UST: variants seen among roughly 807,000 people sequenced by gnomAD.
The protein encoded by UST is chondroitin sulfate 2-O-sulfotransferase.
Under a neutral mutation model 45.6 loss-of-function variants are expected in UST, and 21 were observed. The ratio of observed to expected loss-of-function variants is 0.46; its 90% confidence interval spans 0.33 to 0.66. UST has a LOEUF of 0.66. UST is among the 30% of genes least tolerant of loss of function. The pLI, the probability that UST is intolerant of heterozygous loss-of-function variation, is 0.02. For synonymous variants in UST, 215 were observed against 200.6 expected (o/e 1.07, Z -0.61); for missense variants, 463 against 512.4 (o/e 0.90, Z 0.93).
intron 5 of UST, among the ~76,000 whole-genome samples, chr6:148,976,521 T>A (rs1223048656): frequency 6.6e-6 from 1 of 152,236 alleles, no homozygotes; most frequent in Non-Finnish European, 1.5e-5. Context: ...GTCCATCTTG[T>A]GCATCATTCA....
intron 5 of UST, among the ~76,000 whole-genome samples, chr6:148,988,293 G>T (rs942250912): frequency 2.0e-5 from 3 of 152,090 alleles, no homozygotes; most frequent in Non-Finnish European, 2.9e-5. Flanking sequence ...CAAAAAACAG[G>T]CTGGGTGCGG....
chr6:148,819,630 T>C (rs1777418026), intron 1 of UST, among the ~76,000 whole-genome samples: 1 of 152,226 alleles, frequency 6.6e-6, no homozygotes, highest in Admixed American at 6.5e-5. Flanking sequence ...TGGAGTTGTA[T>C]TTTTTGCTAT....
intron 1 of UST, among the ~76,000 whole-genome samples, chr6:148,812,046 T>G (rs2114731277): frequency 6.6e-6 from 1 of 152,338 alleles, no homozygotes; most frequent in East Asian, 1.9e-4. Flanking sequence ...ATTTGCAATT[T>G]GTATTTGCAG....
intron 1 of UST, among the ~76,000 whole-genome samples, chr6:148,795,844 G>C (rs145455497): frequency 6.6e-6 from 1 of 152,010 alleles, no homozygotes; most frequent in South Asian, 2.1e-4. Context: ...GATTCATTAC[G>C]GGCTGGTTAA....
chr6:148,783,249 A>G (rs1582809240), intron 1 of UST, among the ~76,000 whole-genome samples: 1 of 152,244 alleles, frequency 6.6e-6, no homozygotes, highest in African/African-American at 2.4e-5. Context: ...TTAATAGACT[A>G]TAGTGTAACA....
chr6:148,932,935 G>A (rs1779949980), intron 2 of UST, among the ~76,000 whole-genome samples: 1 of 152,130 alleles, frequency 6.6e-6, no homozygotes, highest in South Asian at 2.1e-4. Context: ...TGGACAGGGA[G>A]GAGCCTTGGG....
intron 1 of UST, among the ~76,000 whole-genome samples, chr6:148,765,751 A>G (rs1010591419): frequency 6.6e-6 from 1 of 152,204 alleles, no homozygotes; most frequent in Non-Finnish European, 1.5e-5. Flanking sequence ...AAAAGTATTA[A>G]TTTGGGGAAC....
At chr6:148,972,059 T>G (rs1039504014) in intron 5 of UST, among the ~76,000 whole-genome samples, 13 of 152,204 alleles carry the variant, frequency 8.5e-5, no homozygotes, top group Non-Finnish European at 1.5e-4. Context: ...CATTGAAGAC[T>G]CATTGCTGTG....
At chr6:148,917,582 T>TTA (rs1779613788) in intron 2 of UST, among the ~76,000 whole-genome samples, 1 of 152,232 alleles carries the variant, frequency 6.6e-6, no homozygotes, top group Admixed American at 6.5e-5. Flanking sequence ...ATTTTTAACC[T>TTA]GTGTCCCCAG....
Position 148,806,103 on chromosome 6 carries a change from C to T in UST, c.247+58426C>T, listed in dbSNP as rs201740336. Among the ~76,000 whole-genome samples, 6 of 151,590 alleles carry T rather than the reference C, an allele frequency of 4.0e-5. No homozygotes were observed. The East Asian group carries it at 1.2e-3, about 30-fold the overall frequency. ...CGCTTTTTTTTTTCTTTTGTCCATGCATATAGTATAATTGCGGCTTAGTTT... is the reference window on the plus strand; with the variant it reads ...CGCTTTTTTTTTTCTTTTGTCCATGTATATAGTATAATTGCGGCTTAGTTT... On this transcript the variant is annotated intron_variant, in intron 1 of 7. Transcript: ENST00000367463.
chr6:148,777,459 A>C (rs577947599), intron 1 of UST, among the ~76,000 whole-genome samples: 1 of 152,358 alleles, frequency 6.6e-6, no homozygotes, highest in South Asian at 2.1e-4. Context: ...TGTGCCACAT[A>C]ATGATGCTTT....
chr6:148,866,181 A>ATTTAGTGATAACTAAATAT (rs146854051), intron 1 of UST, among the ~76,000 whole-genome samples: 1 of 97,824 alleles, frequency 1.0e-5, no homozygotes, highest in African/African-American at 4.2e-5. Context: ...TAACTAAATA[A>ATTTAGTGATAACTAAATAT]ATTTAGTGAT....
At chr6:148,959,249 G>C (rs1473590080) in intron 4 of UST, among the ~76,000 whole-genome samples, 1 of 152,116 alleles carries the variant, frequency 6.6e-6, no homozygotes, top group Non-Finnish European at 1.5e-5. Context: ...ATCAGACTTC[G>C]CTAATTCCAC....
intron 5 of UST, among the ~76,000 whole-genome samples, chr6:149,017,386 CA>C (rs1397350492): frequency 1.3e-5 from 2 of 148,450 alleles, no homozygotes; most frequent in Non-Finnish European, 3.0e-5. Flanking sequence ...AAAAAAAAAA[CA>C]AAAAAAGTAA....
intron 1 of UST, among the ~76,000 whole-genome samples, chr6:148,850,270 G>A (rs1778079125): frequency 6.6e-6 from 1 of 152,180 alleles, no homozygotes; most frequent in Non-Finnish European, 1.5e-5. Flanking sequence ...GGTGGAGCCA[G>A]CATTTGAGTG....
At chr6:149,056,306 C>G (rs1463340718) in intron 7 of UST, among the ~76,000 whole-genome samples, 16 of 151,780 alleles carry the variant, frequency 1.1e-4, no homozygotes, top group Admixed American at 3.3e-4. Flanking sequence ...CGAGGTTTTG[C>G]CATGTTGGCC....
At chr6:148,963,274 A>G (rs910604395) in intron 4 of UST, among the ~76,000 whole-genome samples, 2 of 152,200 alleles carry the variant, frequency 1.3e-5, no homozygotes, top group African/African-American at 2.4e-5. Flanking sequence ...GACCCCTGAC[A>G]GAATGTCCAG....
At chr6:148,802,492 G>T (rs2333863) in intron 1 of UST, among the ~76,000 whole-genome samples, 8,823 of 152,270 alleles carry the variant, frequency 0.058, 479 homozygotes, top group East Asian at 0.3. Flanking sequence ...GGGTAGGAAA[G>T]ATTATCTGCA....
At chr6:148,799,838 C>T (rs144775730) in intron 1 of UST, among the ~76,000 whole-genome samples, 51 of 152,152 alleles carry the variant, frequency 3.4e-4, no homozygotes, top group Admixed American at 1.3e-3. Context: ...ATGTTCATTG[C>T]GAAATATTTT....
Sources: allele counts gnomAD v4.1 joint callset (sites outside exome capture counted in the v4.1 genomes callset), GRCh38; gene constraint gnomAD v4.1.1; transcripts MANE v1.5; gene names NCBI Gene and HGNC (gene_info 2026-07-23, HGNC 2026-07-21).